Variants in NR5A1 observed in about 807,000 individuals in gnomAD.
NR5A1 encodes the protein steroidogenic factor 1.
A neutral mutation model predicts 42.7 loss-of-function variants in NR5A1; 6 were observed. The ratio of observed to expected loss-of-function variants is 0.14; its 90% CI spans 0.08 to 0.28. The LOEUF is 0.28. Ranked by LOEUF, NR5A1 falls within the 10% of genes least tolerant of loss-of-function variation. NR5A1 has a pLI of 1.00. For missense variants in NR5A1, 442 were observed against 626.4 expected (o/e 0.71, Z 3.14); for synonymous variants, 274 against 277.5 (o/e 0.99, Z 0.12).
Position 124,500,155 on chromosome 9 carries a change from C to T in NR5A1, c.805G>A (p.Ala269Thr). Residue 269 changes from alanine (A) to threonine (T), a missense_variant, in exon 4 of 7, where the codon GCC becomes ACC. Ala to Thr is a moderately conservative substitution (Grantham distance 58). Transcript: ENST00000373588. The surrounding 1 kb of genome is among the most constrained non-coding windows in gnomAD (Gnocchi z 6.9). ...PAAFGLLCRM[A>T]DQTFISIVDW... ...ACGATGGAGATGAAGGTCTGGTCGG[C>T]CATTCTGCACAGGAGGCCGAAGGCC... 4 of 1,612,906 alleles carry T rather than the reference C, an allele frequency of 2.5e-6. No homozygotes were observed. Among genetic ancestry groups the T allele is most frequent in the Non-Finnish European group, 3.4e-6 (4 of 1,179,918 alleles).
At position 124,503,505 on chromosome 9, in the gene NR5A1, G is replaced by A. The variant is rs1832500632; in HGVS notation, c.-15-95C>T. On this transcript the variant is annotated intron_variant, in intron 1 of 6. Coordinates refer to ENST00000373588, the MANE Select transcript of NR5A1 (RefSeq NM_004959.5). The surrounding 1 kb of genome is among the most constrained non-coding windows in gnomAD (Gnocchi z 9.6). ...CCAGCCGCTGTCGCCGGCCCGTCGC[G>A]TAATCCCCTCTCTGTGCCCAGGCGC... 9.8e-7 allele frequency: 1 copy of A among 1,015,966 alleles called. No individual in the cohort carries two copies. The highest frequency in any genetic ancestry group is 1.4e-6 in the Non-Finnish European group (1 of 709,232). 62.9% of individuals were successfully genotyped at this position (1,015,966 alleles called of 1,614,324 possible).
At chr9:124,505,534 A>C (rs1052548640) in intron 1 of NR5A1, among the ~76,000 whole-genome samples, 1 of 152,210 alleles carries the variant, frequency 6.6e-6, no homozygotes, top group African/African-American at 2.4e-5. Flanking sequence ...GATGAACCCA[A>C]GCAGTAGGGG....
chr9:124,495,521 G>A (rs2131282395), intron 4 of NR5A1, among the ~76,000 whole-genome samples: 1 of 152,316 alleles, frequency 6.6e-6, no homozygotes, highest in East Asian at 1.9e-4. Flanking sequence ...AACCTCCTGA[G>A]ACCTGGGAAG....
rs1402270165 is a variant in NR5A1, at chr9:124,497,000, T to G, written c.870+3090A>C. The stretch of plus-strand genomic sequence containing the variant: ...GTTGCTTTATAAGCGCAGGACAAAG[T>G]GACCCTCAGACGGTCCCAGAACAAT... On this transcript the variant is annotated intron_variant, in intron 4 of 6. Coordinates refer to ENST00000373588, the MANE Select transcript of NR5A1 (RefSeq NM_004959.5). The surrounding 1 kb of genome is among the most constrained non-coding windows in gnomAD (Gnocchi z 5.0). 1.3e-5 allele frequency among the ~76,000 whole-genome samples: 2 copies of G among 152,190 alleles called. No homozygotes were observed. Among genetic ancestry groups the G allele is most frequent in the Non-Finnish European group, 2.9e-5 (2 of 68,028 alleles).
intron 5 of NR5A1, 126 bp downstream of exon 5, chr9:124,492,904 G>T (rs975636297): frequency 4.3e-6 from 5 of 1,159,938 alleles, no homozygotes; most frequent in Admixed American, 2.8e-5. Context: ...TGGGGAAAGG[G>T]CTGATAATTA....
In NR5A1 at chr9:124,500,478, A is replaced by C; in HGVS notation, c.482T>G (p.Leu161Arg). 6.2e-7 allele frequency: 1 copy of C among 1,600,280 alleles called. No homozygotes were observed. The highest frequency in any genetic ancestry group is 8.5e-7 in the Non-Finnish European group (1 of 1,175,538). The change falls in exon 4 of 7, where the codon CTG becomes CGG. Residue 161 changes from leucine to arginine, a missense_variant. Physicochemically the swap from Leu to Arg is moderately radical, Grantham distance 102 (BLOSUM62 -2). Coordinates refer to ENST00000373588, the MANE Select transcript of NR5A1 (RefSeq NM_004959.5). This position sits in a 1 kb window ranked among gnomAD's most constrained non-coding sequence, Gnocchi z 6.9. ...CAGTGCTGGGGCCCCAAAGTCGCCCAGTGGCCCAGCAGGTGGACCGGCGGC... is the reference window on the plus strand; with the variant it reads ...CAGTGCTGGGGCCCCAAAGTCGCCCCGTGGCCCAGCAGGTGGACCGGCGGC... ...GLAAGPPAGP[L>R]GDFGAPALPM...
At chr9:124,495,070 C>T (rs1048949733) in intron 4 of NR5A1, among the ~76,000 whole-genome samples, 1 of 152,178 alleles carries the variant, frequency 6.6e-6, no homozygotes. Flanking sequence ...TCCGGGCCCA[C>T]GTGGTGGAAA....
At chr9:124,487,650 G>A (rs1307383784) in intron 6 of NR5A1, among the ~76,000 whole-genome samples, 3 of 152,240 alleles carry the variant, frequency 2.0e-5, no homozygotes, top group Non-Finnish European at 4.4e-5. Context: ...AGGTGGGGGA[G>A]CACAAGCACT....
In NR5A1 at chr9:124,500,514, G is replaced by A. The variant is rs772802571; in HGVS notation, c.446C>T (p.Pro149Leu). ...VLPPSLHGPEPKGLAAGPPAG... is the reference protein window; with the variant it reads ...VLPPSLHGPELKGLAAGPPAG... ...AGGTGGACCGGCGGCCAGGCCCTTG[G>A]GCTCAGGCCCATGCAGGCTGGGAGG... Residue 149 changes from proline to leucine, a missense_variant, in exon 4 of 7, where the codon CCC (proline) becomes CTC (leucine). Physicochemically the swap from Pro to Leu is moderately conservative, Grantham distance 98. This residue lies in a region of NR5A1 where 208 missense variants were observed against 203.8 expected (regional missense o/e 1.02). Transcript: ENST00000373588. This position sits in a 1 kb window ranked among gnomAD's most constrained non-coding sequence, Gnocchi z 6.9. The A allele has an allele frequency of 1.9e-6, 3 of 1,606,462 alleles. No homozygotes were observed. The highest frequency in any genetic ancestry group is 2.2e-5 in the South Asian group (2 of 90,912).
intron 6 of NR5A1, among the ~76,000 whole-genome samples, chr9:124,484,097 A>G (rs1832171452): frequency 1.3e-5 from 2 of 152,240 alleles, no homozygotes; most frequent in East Asian, 1.9e-4. Flanking sequence ...CTATTTTACA[A>G]TAAAGCGTTG....
chr9:124,487,023 G>C (rs926939484), intron 6 of NR5A1, among the ~76,000 whole-genome samples: 4 of 152,214 alleles, frequency 2.6e-5, no homozygotes, highest in Non-Finnish European at 5.9e-5. Flanking sequence ...CTGGGCGCCC[G>C]AAGGTTGGAG....
At chr9:124,491,041 C>CCCCCG in intron 6 of NR5A1, 40 bp downstream of exon 6, 1 of 1,509,668 alleles carries the variant, frequency 6.6e-7, no homozygotes, top group Non-Finnish European at 8.9e-7. Flanking sequence ...CCACCCGCCT[C>CCCCCG]TGGCTGTCTC....
At chr9:124,497,778 C>T (rs1403946428) in intron 4 of NR5A1, among the ~76,000 whole-genome samples, 7 of 152,228 alleles carry the variant, frequency 4.6e-5, no homozygotes, top group African/African-American at 1.7e-4. Flanking sequence ...ATTGGAACTC[C>T]CGGAACACGA....
rs573300496 is a variant in NR5A1, at chr9:124,501,440, G to A, written c.245-725C>T. ...GACTAGAAGCTCCTCCGCCTGGCGA[G>A]GAATGTGTCATCAGCCAGACCCAAC... is the stretch of plus-strand genomic sequence containing the variant. On this transcript the variant is annotated intron_variant, in intron 3 of 6. Coordinates refer to ENST00000373588, the MANE Select transcript of NR5A1 (RefSeq NM_004959.5). This position sits in a 1 kb window ranked among gnomAD's most constrained non-coding sequence, Gnocchi z 4.1. Among the ~76,000 whole-genome samples the A allele has an allele frequency of 5.9e-3, 894 of 152,362 alleles. 10 individuals are homozygous for A. Among genetic ancestry groups the A allele is most frequent in the African/African-American group, 0.02 (841 of 41,580 alleles).
rs1206070749 is a variant in NR5A1 at position 124,496,077 on chromosome 9, C to A, written c.871-2928G>T. On this transcript the variant is annotated intron_variant, in intron 4 of 6. Coordinates refer to ENST00000373588, the MANE Select transcript of NR5A1 (RefSeq NM_004959.5). This position sits in a 1 kb window ranked among gnomAD's most constrained non-coding sequence, Gnocchi z 5.0. ...TGGATGCTGCCCGGCCGGGATCCCA[C>A]CTGCCCCTTGGCCAAGCAGGTCTTG... Among the ~76,000 whole-genome samples, 1 of 152,136 alleles carries A rather than the reference C, an allele frequency of 6.6e-6. No individual in the cohort carries two copies. Among genetic ancestry groups the A allele is most frequent in the Non-Finnish European group, 1.5e-5 (1 of 68,026 alleles).
rs577279589 is a variant in NR5A1, at chr9:124,490,875, C to G, written c.1138+206G>C. 6.0e-4 allele frequency among the ~76,000 whole-genome samples: 92 copies of G among 152,322 alleles called. 1 individual carries two copies. In the South Asian group the frequency reaches 0.017, roughly 28 times the overall value. ...CCTAAAGTCACATGGGCCACCAGAG[C>G]GGGAGCAGCCCCCATTTAAGAGCCA... On this transcript the variant is annotated intron_variant, in intron 6 of 6. Transcript: ENST00000373588.
intron 6 of NR5A1, 60 bp downstream of exon 6, chr9:124,491,021 A>ACCCC: frequency 3.8e-5 from 9 of 237,392 alleles, no homozygotes; most frequent in South Asian, 7.7e-5. Flanking sequence ...AGCCTCACCC[A>ACCCC]CCCTCCCACC....
Position 124,482,723 on chromosome 9 carries a change from CCGCCCCCAGT to C in NR5A1, c.*25_*34del. 1.3e-6 allele frequency: 1 copy of C among 773,674 alleles called. No individual in the cohort carries two copies. Among genetic ancestry groups the C allele is most frequent in the South Asian group, 1.5e-5 (1 of 68,740 alleles). The allele number at this position is 773,674 out of a possible 1,614,324, so 47.9% of individuals were successfully genotyped here. A position where few individuals can be genotyped will look rare whatever the true frequency, so the allele number is the denominator to read the frequency against. On this transcript the variant is annotated 3_prime_UTR_variant, in exon 7 of 7. Transcript: ENST00000373588. ...CCCCGCCCAGGCCCCGCCCCCAGTC[CCGCCCCCAGT>C]CCCGGCCCCGCCCCCGGCCCAGGCT...
rs528279868 is a variant in NR5A1 at position 124,501,305 on chromosome 9, T to G, written c.245-590A>C. Among the ~76,000 whole-genome samples, 1 of 152,344 alleles carries G rather than the reference T, an allele frequency of 6.6e-6. No individual in the cohort carries two copies. Among genetic ancestry groups the G allele is most frequent in the Non-Finnish European group, 1.5e-5 (1 of 68,042 alleles). ...GCTGTTTGTTGACTGACTGCCTGACTGTTGAGCTCCTGCTTCAAAATGACT... is the reference window on the plus strand; with the variant it reads ...GCTGTTTGTTGACTGACTGCCTGACGGTTGAGCTCCTGCTTCAAAATGACT... On this transcript the variant is annotated intron_variant, in intron 3 of 6. Transcript: ENST00000373588. This position sits in a 1 kb window ranked among gnomAD's most constrained non-coding sequence, Gnocchi z 4.1.
Sources: allele counts gnomAD v4.1 joint callset (sites outside exome capture counted in the v4.1 genomes callset), GRCh38; gene constraint gnomAD v4.1.1; regional missense constraint gnomAD v4.1.1; non-coding constraint Gnocchi (gnomAD v3.1); transcripts MANE v1.5; gene names NCBI Gene and HGNC (gene_info 2026-07-23, HGNC 2026-07-21).